Variants in SAMMSON observed in about 807,000 individuals in gnomAD.
SAMMSON encodes the protein survival associated mitochondrial melanoma specific oncogenic non-coding RNA.
intron 3 of SAMMSON, among the ~76,000 whole-genome samples, chr3:70,039,593 TCACACA>T (rs56058406): frequency 0.24 from 32,626 of 135,074 alleles, 4,332 homozygotes; most frequent in Non-Finnish European, 0.29. Flanking sequence ...ACACATCTCT[TCACACA>T]CACACACACA....
chr3:70,032,959 G>C (rs1049794356), intron 3 of SAMMSON, among the ~76,000 whole-genome samples: 2 of 152,172 alleles, frequency 1.3e-5, no homozygotes, highest in Admixed American at 1.3e-4. Flanking sequence ...TCGTTGCCCA[G>C]GTGGGGGACA....
intron 4 of SAMMSON, chr3:70,206,472 A>G: frequency 2.5e-6 from 1 of 395,812 alleles, no homozygotes; most frequent in Non-Finnish European, 4.5e-6. Flanking sequence ...TAATATTCAT[A>G]AGGACTTTTT....
At chr3:70,255,388 A>C (rs1411196942) in intron 6 of SAMMSON, among the ~76,000 whole-genome samples, 1 of 152,178 alleles carries the variant, frequency 6.6e-6, no homozygotes, top group African/African-American at 2.4e-5. Flanking sequence ...CATAATAAGT[A>C]GATATGGAAT....
In SAMMSON at chr3:70,184,427, C is replaced by T. The variant is rs1310320195; in HGVS notation, n.508-64680C>T. Among the ~76,000 whole-genome samples, 6 of 152,218 alleles carry T rather than the reference C, an allele frequency of 3.9e-5. No homozygotes were observed. The South Asian group carries it at 6.2e-4, about 16-fold the overall frequency. ...CACTACTGTGCTTCCAAACAACCTT[C>T]GGAAAATGCTGAAATATTATCACTT... On this transcript the variant is annotated intron_variant and non_coding_transcript_variant, in intron 4 of 9. Coordinates refer to ENST00000642114, the Ensembl canonical transcript of SAMMSON.
At chr3:70,252,536 A>G (rs536571492) in intron 6 of SAMMSON, among the ~76,000 whole-genome samples, 1 of 152,200 alleles carries the variant, frequency 6.6e-6, no homozygotes, top group African/African-American at 2.4e-5. Flanking sequence ...GCAAAAGCTA[A>G]GTGAGGCTAG....
In SAMMSON at chr3:70,337,798, C is replaced by T. The variant is rs557981546; in HGVS notation, n.740-16377C>T. ...TAAAATTAAATACAATAATGTTTAT[C>T]GCTTTATCTTTTATCTAATAATTAC... On this transcript the variant is annotated intron_variant and non_coding_transcript_variant, in intron 7 of 9. Transcript: ENST00000642114. 1.8e-4 allele frequency among the ~76,000 whole-genome samples: 27 copies of T among 151,894 alleles called. 1 individual carries two copies. The highest frequency in any genetic ancestry group is 1.3e-3 in the Admixed American group (20 of 15,232).
intron 4 of SAMMSON, among the ~76,000 whole-genome samples, chr3:70,239,374 T>C (rs890712449): frequency 1.3e-5 from 2 of 152,176 alleles, no homozygotes; most frequent in Non-Finnish European, 2.9e-5. Context: ...CTGTCTGAGT[T>C]CTCAACGCTT....
chr3:70,300,569 T>A (rs897159040), intron 7 of SAMMSON, among the ~76,000 whole-genome samples: 29 of 152,058 alleles, frequency 1.9e-4, no homozygotes, highest in Admixed American at 5.3e-4. Context: ...CTGTTGAGTG[T>A]TTTCAAAAAT....
chr3:70,108,558 C>A (rs1172201120), intron 4 of SAMMSON, among the ~76,000 whole-genome samples: 1 of 151,490 alleles, frequency 6.6e-6, no homozygotes, highest in Non-Finnish European at 1.5e-5. Context: ...CCTCCACCAC[C>A]CAAATTCATA....
chr3:70,194,716 C>T (rs778098340), intron 4 of SAMMSON, among the ~76,000 whole-genome samples: 1 of 152,042 alleles, frequency 6.6e-6, no homozygotes, highest in Non-Finnish European at 1.5e-5. Flanking sequence ...TTGAAATGCA[C>T]AATCTTTGCA....
intron 4 of SAMMSON, chr3:70,071,772 G>A (rs1465945866): frequency 6.6e-6 from 1 of 151,864 alleles, no homozygotes. Flanking sequence ...TTTTTTAAAG[G>A]TTTTAACATT....
chr3:70,314,145 C>A (rs1480769224), intron 7 of SAMMSON, among the ~76,000 whole-genome samples: 1 of 152,110 alleles, frequency 6.6e-6, no homozygotes, highest in Admixed American at 6.6e-5. Context: ...AAACCTTTCT[C>A]ATCTTCCTGA....
intron 9 of SAMMSON, among the ~76,000 whole-genome samples, chr3:70,384,895 T>C (rs1703107595): frequency 6.6e-6 from 1 of 152,126 alleles, no homozygotes; most frequent in Non-Finnish European, 1.5e-5. Flanking sequence ...AGGTAGTCAC[T>C]AGCCAGCTGT....
intron 9 of SAMMSON, among the ~76,000 whole-genome samples, chr3:70,359,570 A>G (rs1393278938): frequency 2.0e-5 from 3 of 152,184 alleles, no homozygotes; most frequent in Admixed American, 6.6e-5. Context: ...GTAATAAAAA[A>G]TGCCACCTTA....
chr3:70,095,689 G>A (rs1308832886), intron 4 of SAMMSON, among the ~76,000 whole-genome samples: 2 of 152,110 alleles, frequency 1.3e-5, no homozygotes, highest in African/African-American at 4.8e-5. Context: ...TGGTTCTTAG[G>A]AGTTGTTTTG....
At chr3:70,317,380 C>T (rs1385098041) in intron 7 of SAMMSON, among the ~76,000 whole-genome samples, 2 of 151,818 alleles carry the variant, frequency 1.3e-5, no homozygotes, top group African/African-American at 4.8e-5. Context: ...GTAATTTTTA[C>T]CAATAAAGTA....
At chr3:70,120,088 A>G (rs2067426676) in intron 4 of SAMMSON, 2 of 152,184 alleles carry the variant, frequency 1.3e-5, no homozygotes, top group Non-Finnish European at 2.9e-5. Context: ...TCTTCCTTCC[A>G]GTGACAGCTG....
chr3:70,059,843 A>C (rs1423568872), intron 3 of SAMMSON, among the ~76,000 whole-genome samples: 1 of 152,136 alleles, frequency 6.6e-6, no homozygotes, highest in Non-Finnish European at 1.5e-5. Context: ...ACCAGCATTT[A>C]TTCATTTGTC....
intron 4 of SAMMSON, among the ~76,000 whole-genome samples, chr3:70,240,672 C>T (rs1225601504): frequency 6.6e-6 from 1 of 152,084 alleles, no homozygotes; most frequent in Admixed American, 6.6e-5. Context: ...CTATTGCTGA[C>T]TATAGTACCA....
Sources: gnomAD v4.1 joint callset for allele counts (sites outside exome capture counted in the v4.1 genomes callset) on GRCh38, gnomAD v4.1.1 for gene constraint, MANE v1.5 for transcripts, NCBI Gene and HGNC (gene_info 2026-07-23, HGNC 2026-07-21) for gene names.